The following ARMC2 variants were observed in gnomAD, a reference collection of about 807,000 sequenced individuals.
ARMC2 encodes the protein armadillo repeat-containing protein 2.
In ARMC2, 67 loss-of-function variants were observed where a neutral mutation model predicts 90.3. The ratio of observed to expected loss-of-function variants is 0.74; its 90% CI spans 0.61 to 0.91. The LOEUF (loss-of-function observed/expected upper bound fraction) is 0.91. Among genes scored for constraint, ARMC2 ranks in the 40% least tolerant of loss-of-function variants. The pLI is 0.00. For missense variants in ARMC2, 920 were observed against 1,030.9 expected, an observed-to-expected ratio of 0.89 and a Z score of 1.47; for synonymous variants, 393 against 393.0, an observed-to-expected ratio of 1.00 and a Z score of 0.00.
At chr6:108,982,066 A>C in the ARMC2 span, among the ~76,000 whole-genome samples, 4 of 152,240 alleles carry the variant, frequency 2.6e-5, no homozygotes, top group East Asian at 1.9e-4. Context: ...GGTTGCCTCC[A>C]TATCATGGGT....
chr6:108,854,372 T>G lies in ARMC2; in HGVS notation c.105T>G (p.Asn35Lys), dbSNP rs1406822443. ...CAGAAATCATAAGTGAAGCAAGAAATGCATTAAGAACAGTTAGAACCCAAA... is the reference window on the plus strand; with the variant it reads ...CAGAAATCATAAGTGAAGCAAGAAAGGCATTAAGAACAGTTAGAACCCAAA... ...TSAEIISEARNALRTVRTQRP... is the reference protein window; with the variant it reads ...TSAEIISEARKALRTVRTQRP... The change falls in exon 2 of 18, where the codon AAT becomes AAG. Residue 35 changes from asparagine to lysine, a missense_variant. By Grantham distance (94) the Asn-to-Lys change is moderately conservative. Coordinates refer to ENST00000392644, the MANE Select transcript of ARMC2 (RefSeq NM_032131.6). The G allele has an allele frequency of 2.1e-5, 34 of 1,612,824 alleles. No homozygotes were observed. Among genetic ancestry groups the G allele is most frequent in the Non-Finnish European group, 2.8e-5 (33 of 1,179,650 alleles).
rs748439752 is a variant in ARMC2 at position 108,953,200 on chromosome 6, C to T, written c.1764C>T (p.Gly588=). The T allele has an allele frequency of 1.9e-6, 3 of 1,613,984 alleles. No individual in the cohort carries two copies. The highest frequency in any genetic ancestry group is 2.5e-6 in the Non-Finnish European group (3 of 1,179,904). Residue 588 remains glycine, a synonymous_variant, in exon 13 of 18, where the codon GGC becomes GGT. Coordinates refer to ENST00000392644, the MANE Select transcript of ARMC2 (RefSeq NM_032131.6). ...LHSQKPVGQR[G]EQHRAQRPPS... Reference sequence around the variant, plus strand: ...CCCAGAAGCCGGTGGGCCAACGAGGCGAGCAGCACAGGGCGCAGAGGCCGC... The same window carrying T: ...CCCAGAAGCCGGTGGGCCAACGAGGTGAGCAGCACAGGGCGCAGAGGCCGC...
chr6:108,922,757 G>T (rs553623088), intron 10 of ARMC2, among the ~76,000 whole-genome samples: 5 of 152,268 alleles, frequency 3.3e-5, no homozygotes, highest in African/African-American at 9.6e-5. Context: ...GACTGAGGGT[G>T]GTACCTGTTA....
chr6:109,029,101 G>A, the ARMC2 span, among the ~76,000 whole-genome samples: 1 of 152,066 alleles, frequency 6.6e-6, no homozygotes, highest in African/African-American at 2.4e-5. Flanking sequence ...CTCTTCTTAA[G>A]GAAATTATTT....
At chr6:108,898,997 G>C (rs1771873746) in intron 6 of ARMC2, among the ~76,000 whole-genome samples, 1 of 152,100 alleles carries the variant, frequency 6.6e-6, no homozygotes, top group African/African-American at 2.4e-5. Flanking sequence ...ACTGTATATT[G>C]CTAAAGGCTT....
chr6:108,899,133 C>T (rs184174689), intron 6 of ARMC2, among the ~76,000 whole-genome samples: 33 of 152,266 alleles, frequency 2.2e-4, no homozygotes, highest in African/African-American at 7.7e-4. Flanking sequence ...CCCCATCACT[C>T]ACCATGTCCA....
chr6:108,970,777 C>T (rs1370296366), intron 17 of ARMC2, among the ~76,000 whole-genome samples: 3 of 151,882 alleles, frequency 2.0e-5, no homozygotes, highest in Admixed American at 6.6e-5. Flanking sequence ...GGATTATAGG[C>T]GTGAGCCACC....
intron 12 of ARMC2, among the ~76,000 whole-genome samples, chr6:108,938,599 C>CTT (rs4027582): frequency 0.019 from 1,590 of 83,058 alleles, 86 homozygotes; most frequent in Non-Finnish European, 0.026. Context: ...CCATTACTAC[C>CTT]TTTTTTTTTT....
chr6:108,870,479 A>AT (rs2128430765), intron 4 of ARMC2, among the ~76,000 whole-genome samples: 1 of 151,642 alleles, frequency 6.6e-6, no homozygotes, highest in South Asian at 2.1e-4. Flanking sequence ...GAGTTAGAAT[A>AT]AAGGAGAAAA....
the ARMC2 span, among the ~76,000 whole-genome samples, chr6:109,016,145 A>G: frequency 2.0e-5 from 3 of 152,250 alleles, no homozygotes; most frequent in Non-Finnish European, 2.9e-5. Context: ...ATGCATATTA[A>G]TGAGTCATTA....
At position 108,880,750 on chromosome 6, in the gene ARMC2, T is replaced by TC. The variant is rs1486500730; in HGVS notation, c.671+4402dup. Among the ~76,000 whole-genome samples, 20 of 133,256 alleles carry TC rather than the reference T, an allele frequency of 1.5e-4. 1 individual carries two copies. Among genetic ancestry groups the TC allele is most frequent in the African/African-American group, 5.3e-4 (19 of 36,010 alleles). 87.4% of individuals were successfully genotyped at this position (133,256 alleles called of 152,430 possible). Reference sequence around the variant, plus strand: ...CTTCCCTCTCCCTCTTCTCCTTCCTTCCTTCCCCCTTTCCGTTCCCTTCCC... The same window carrying TC: ...CTTCCCTCTCCCTCTTCTCCTTCCTTCCCTTCCCCCTTTCCGTTCCCTTCCC... On this transcript the variant is annotated intron_variant, in intron 5 of 17. Transcript: ENST00000392644.
chr6:108,976,411 T>C (rs561001746), downstream of ARMC2, among the ~76,000 whole-genome samples: 134 of 152,192 alleles, frequency 8.8e-4, no homozygotes, highest in Non-Finnish European at 1.8e-3. Context: ...ACTGTAGCCT[T>C]GTAGTATAGT....
intron 17 of ARMC2, among the ~76,000 whole-genome samples, chr6:108,967,101 A>G (rs1778425225): frequency 6.6e-6 from 1 of 152,076 alleles, no homozygotes; most frequent in Non-Finnish European, 1.5e-5. Context: ...GCTGTTAGGG[A>G]AAGAATTCTC....
At chr6:108,991,094 A>G in the ARMC2 span, among the ~76,000 whole-genome samples, 2 of 151,654 alleles carry the variant, frequency 1.3e-5, no homozygotes, top group East Asian at 3.9e-4. Context: ...AAAAAAAACT[A>G]ATAGTCTCTT....
At chr6:108,853,597 T>G (rs1774221016) in intron 1 of ARMC2, among the ~76,000 whole-genome samples, 1 of 152,206 alleles carries the variant, frequency 6.6e-6, no homozygotes, top group South Asian at 2.1e-4. Flanking sequence ...TTGAGAAGGA[T>G]CTGCATTCTC....
At chr6:108,967,051 CT>C (rs1460007072) in intron 17 of ARMC2, among the ~76,000 whole-genome samples, 1 of 152,220 alleles carries the variant, frequency 6.6e-6, no homozygotes, top group Non-Finnish European at 1.5e-5. Context: ...GCTCCGCCCC[CT>C]GGGCTCTGCC....
Position 108,951,039 on chromosome 6 carries a change from A to G in ARMC2, c.1597-1994A>G, listed in dbSNP as rs114507951. Among the ~76,000 whole-genome samples the G allele has an allele frequency of 7.7e-3, 1,180 of 152,330 alleles. 14 individuals are homozygous for G. Among genetic ancestry groups the G allele is most frequent in the African/African-American group, 0.027 (1,119 of 41,574 alleles). On this transcript the variant is annotated intron_variant, in intron 12 of 17. Coordinates refer to ENST00000392644, the MANE Select transcript of ARMC2 (RefSeq NM_032131.6). ...CACAGAAATGCCCGAATCATTGCTCAGTACAATTTGTGCTTTGCCTGTTGT... is the reference window on the plus strand; with the variant it reads ...CACAGAAATGCCCGAATCATTGCTCGGTACAATTTGTGCTTTGCCTGTTGT...
At chr6:108,963,171 T>C (rs768911565) in intron 15 of ARMC2, among the ~76,000 whole-genome samples, 5 of 152,248 alleles carry the variant, frequency 3.3e-5, no homozygotes, top group Non-Finnish European at 1.5e-5. Flanking sequence ...TTTCTTAAAC[T>C]GAGTGGCAAG....
intron 4 of ARMC2, among the ~76,000 whole-genome samples, chr6:108,872,405 A>C (rs543975159): frequency 6.6e-6 from 1 of 151,452 alleles, no homozygotes; most frequent in Non-Finnish European, 1.5e-5. Flanking sequence ...CTCCGTCACC[A>C]AGCCCTACAC....
Sources: gnomAD v4.1 joint callset for allele counts (sites outside exome capture counted in the v4.1 genomes callset) on GRCh38, gnomAD v4.1.1 for gene constraint, MANE v1.5 for transcripts, NCBI Gene and HGNC (gene_info 2026-07-23, HGNC 2026-07-21) for gene names.